Variants in TMEM108 observed in about 807,000 individuals in gnomAD.
TMEM108 encodes transmembrane protein 108.
A neutral mutation model predicts 35.1 loss-of-function variants in TMEM108; 12 were observed. The observed-to-expected ratio is 0.34, with a 90% CI of 0.22 to 0.55. The LOEUF (loss-of-function observed/expected upper bound fraction) is 0.55. Ranked by LOEUF, TMEM108 falls within the 20% of genes least tolerant of loss-of-function variation. TMEM108 has a pLI of 0.89. For synonymous variants in TMEM108, 287 were observed against 308.6 expected (o/e 0.93, Z 0.73); for missense variants, 680 against 753.3 (o/e 0.90, Z 1.14).
At chr3:133,187,759 G>A (rs1236763011) in intron 2 of TMEM108, among the ~76,000 whole-genome samples, 2 of 151,780 alleles carry the variant, frequency 1.3e-5, no homozygotes, top group Admixed American at 6.6e-5. Flanking sequence ...AGGAAGGAAG[G>A]GAGGAAGGGA....
chr3:133,263,761 T>C (rs1946657831), intron 3 of TMEM108, among the ~76,000 whole-genome samples: 1 of 152,358 alleles, frequency 6.6e-6, no homozygotes, highest in Admixed American at 6.5e-5. Context: ...TCTGCCATGC[T>C]GTCTTTTTCC....
intron 3 of TMEM108, among the ~76,000 whole-genome samples, chr3:133,240,229 G>A (rs779603252): frequency 6.6e-6 from 1 of 152,110 alleles, no homozygotes; most frequent in African/African-American, 2.4e-5. Context: ...ACTTCTGAGG[G>A]GTAAGTCATT....
intron 3 of TMEM108, among the ~76,000 whole-genome samples, chr3:133,308,822 C>CT (rs1329657034): frequency 6.6e-6 from 1 of 152,016 alleles, no homozygotes; most frequent in Non-Finnish European, 1.5e-5. Flanking sequence ...CTAAAATTCT[C>CT]TTTTTTTGTT....
At chr3:133,383,787 GAC>G (rs1338578814) in intron 4 of TMEM108, among the ~76,000 whole-genome samples, 5 of 152,192 alleles carry the variant, frequency 3.3e-5, no homozygotes, top group Non-Finnish European at 1.5e-5. Flanking sequence ...TCTAAAGAAA[GAC>G]ACAAACTTTT....
intron 2 of TMEM108, among the ~76,000 whole-genome samples, chr3:133,188,402 ATATGT>A (rs1945452400): frequency 6.9e-6 from 1 of 145,974 alleles, no homozygotes; most frequent in Non-Finnish European, 1.5e-5. Context: ...TTTAGAGGTG[ATATGT>A]TAAGTTCTGT....
intron 1 of TMEM108, among the ~76,000 whole-genome samples, chr3:133,039,902 T>C (rs1463493882): frequency 6.6e-6 from 1 of 152,134 alleles, no homozygotes; most frequent in East Asian, 1.9e-4. Flanking sequence ...ACCCCATGCC[T>C]GTGAAATGCC....
intron 3 of TMEM108, among the ~76,000 whole-genome samples, chr3:133,242,464 G>T (rs1946327048): frequency 6.6e-6 from 1 of 152,196 alleles, no homozygotes; most frequent in African/African-American, 2.4e-5. Flanking sequence ...GCTACAACTG[G>T]CAGGGATAGA....
intron 2 of TMEM108, among the ~76,000 whole-genome samples, chr3:133,121,188 G>C (rs1276870120): frequency 6.6e-6 from 1 of 152,140 alleles, no homozygotes; most frequent in Non-Finnish European, 1.5e-5. Flanking sequence ...TGCTGGTCTG[G>C]CCAGTAGATC....
At chr3:133,217,501 A>T (rs1437175730) in intron 2 of TMEM108, among the ~76,000 whole-genome samples, 2 of 152,036 alleles carry the variant, frequency 1.3e-5, no homozygotes, top group African/African-American at 4.8e-5. Flanking sequence ...ATCATTGACC[A>T]AACCAATGTC....
chr3:133,390,134 A>G (rs1197296), intron 4 of TMEM108, 46 bp from the exon 5 acceptor site: 662,604 of 1,609,830 alleles, frequency 0.41, 140,816 homozygotes, highest in Admixed American at 0.45. Flanking sequence ...CCCAGGCACC[A>G]TCCTTGCTGC....
intron 1 of TMEM108, among the ~76,000 whole-genome samples, chr3:133,039,947 T>C (rs1437870364): frequency 6.6e-6 from 1 of 152,168 alleles, no homozygotes; most frequent in African/African-American, 2.4e-5. Flanking sequence ...CTAGGCAAGA[T>C]AAATATATTT....
chr3:133,132,651 C>A (rs781454539), intron 2 of TMEM108, among the ~76,000 whole-genome samples: 1 of 152,146 alleles, frequency 6.6e-6, no homozygotes, highest in Non-Finnish European at 1.5e-5. Context: ...ATTCATTCTG[C>A]AGCTCTTGGG....
intron 2 of TMEM108, among the ~76,000 whole-genome samples, chr3:133,199,951 C>G (rs990758337): frequency 1.3e-5 from 2 of 152,168 alleles, no homozygotes; most frequent in Non-Finnish European, 2.9e-5. Context: ...TTTACCTACT[C>G]AAGCCTCAGC....
At chr3:133,204,318 T>G (rs960120913) in intron 2 of TMEM108, among the ~76,000 whole-genome samples, 1 of 152,156 alleles carries the variant, frequency 6.6e-6, no homozygotes, top group South Asian at 2.1e-4. Context: ...TGCTCTGATC[T>G]TAGTTATTTC....
chr3:133,163,158 A>G (rs1245730405), intron 2 of TMEM108, among the ~76,000 whole-genome samples: 1 of 152,198 alleles, frequency 6.6e-6, no homozygotes, highest in East Asian at 1.9e-4. Context: ...ACACATAAAT[A>G]TTCATGAGGG....
chr3:133,219,121 G>A (rs1300698187), intron 2 of TMEM108, among the ~76,000 whole-genome samples: 1 of 152,012 alleles, frequency 6.6e-6, no homozygotes, highest in Non-Finnish European at 1.5e-5. Flanking sequence ...TAGGTTGTAT[G>A]TCTCTAGAAG....
chr3:133,084,339 A>G (rs1455714164), intron 2 of TMEM108, among the ~76,000 whole-genome samples: 1 of 152,162 alleles, frequency 6.6e-6, no homozygotes, highest in Non-Finnish European at 1.5e-5. Context: ...TGTCACTAGA[A>G]CAATCAGTAT....
intron 3 of TMEM108, among the ~76,000 whole-genome samples, chr3:133,234,027 A>G (rs1946195500): frequency 6.6e-6 from 1 of 151,936 alleles, no homozygotes; most frequent in Non-Finnish European, 1.5e-5. Context: ...TTTGCTGTGC[A>G]GAAGCTCTTT....
chr3:133,210,339 T>C (rs1945817844), intron 2 of TMEM108, among the ~76,000 whole-genome samples: 1 of 152,190 alleles, frequency 6.6e-6, no homozygotes, highest in East Asian at 1.9e-4. Context: ...GTTCCTCCAT[T>C]GTTCTAGTGT....
Sources: allele counts gnomAD v4.1 joint callset (sites outside exome capture counted in the v4.1 genomes callset), GRCh38; gene constraint gnomAD v4.1.1; transcripts MANE v1.5; gene names NCBI Gene and HGNC (gene_info 2026-07-23, HGNC 2026-07-21).